MLPH: variants seen among roughly 807,000 people sequenced by gnomAD.
MLPH encodes exophilin-3.
Under a neutral mutation model 72.1 loss-of-function variants are expected in MLPH, and 51 were observed. That is an observed-to-expected ratio of 0.71 (90% CI 0.56 to 0.89). MLPH has a LOEUF of 0.89. Among genes scored for constraint, MLPH ranks in the 40% least tolerant of loss-of-function variants. The pLI is 0.00. For synonymous variants in MLPH, 301 were observed against 310.1 expected, an observed-to-expected ratio of 0.97 and a Z score of 0.31; for missense variants, 743 against 759.9, an observed-to-expected ratio of 0.98 and a Z score of 0.26.
chr2:237,521,620 A>G (rs1024753964), intron 6 of MLPH, among the ~76,000 whole-genome samples: 1 of 152,230 alleles, frequency 6.6e-6, no homozygotes, highest in Admixed American at 6.5e-5. Flanking sequence ...TAGAGCATAG[A>G]TTGCTGTGAG....
chr2:237,510,651 A>G lies in MLPH; in HGVS notation c.188A>G (p.His63Arg). 1 of 1,613,806 alleles carries G rather than the reference A, an allele frequency of 6.2e-7. No homozygotes were observed. The highest frequency in any genetic ancestry group is 8.5e-7 in the Non-Finnish European group (1 of 1,180,044). Reference sequence around the variant, plus strand: ...GACACTGCCCATCTGAACGAGACCCACTGCGCCCGCTGCCTGCAGCCCTAC... The same window carrying G: ...GACACTGCCCATCTGAACGAGACCCGCTGCGCCCGCTGCCTGCAGCCCTAC... ...LSDTAHLNET[H>R]CARCLQPYQL... Residue 63 changes from histidine (H) to arginine (R), a missense_variant, in exon 3 of 16, where the codon CAC becomes CGC. Transcript: ENST00000264605. The surrounding 1 kb of genome is among the most constrained non-coding windows in gnomAD (Gnocchi z 4.4).
At chr2:237,539,652 A>G (rs1227766670) in intron 9 of MLPH, among the ~76,000 whole-genome samples, 5 of 152,220 alleles carry the variant, frequency 3.3e-5, no homozygotes, top group Admixed American at 3.3e-4. Flanking sequence ...CAAGGTGGCC[A>G]GTGGAACTAG....
In MLPH at chr2:237,505,459, G is replaced by A. The variant is rs1262785075; in HGVS notation, c.111-5115G>A. ...ACCCAACGCAAGTGGAGGCCCACAGGACCCCTCATGCAGGCTCTTCCCCCG... is the reference window on the plus strand; with the variant it reads ...ACCCAACGCAAGTGGAGGCCCACAGAACCCCTCATGCAGGCTCTTCCCCCG... On this transcript the variant is annotated intron_variant, in intron 2 of 15. Transcript: ENST00000264605. The surrounding 1 kb of genome is among the most constrained non-coding windows in gnomAD (Gnocchi z 4.5). Among the ~76,000 whole-genome samples the A allele has an allele frequency of 6.6e-6, 1 of 152,160 alleles. No individual in the cohort carries two copies. Among genetic ancestry groups the A allele is most frequent in the African/African-American group, 2.4e-5 (1 of 41,434 alleles).
chr2:237,542,561 T>A lies in MLPH; in HGVS notation c.1447-6T>A. ...GACGGGCCTTCTGTCTGCTGTCCTC[T>A]CGCAGGTTTCAGACATTGAATCCAG... On this transcript the variant is annotated splice_region_variant and splice_polypyrimidine_tract_variant and intron_variant, in intron 11 of 15. Transcript: ENST00000264605. 1.3e-6 allele frequency: 2 copies of A among 1,592,660 alleles called. No homozygotes were observed. Among genetic ancestry groups the A allele is most frequent in the South Asian group, 2.3e-5 (2 of 87,856 alleles).
chr2:237,546,757 A>C, intron 13 of MLPH, 74 bp downstream of exon 13: 1 of 1,284,006 alleles, frequency 7.8e-7, no homozygotes, highest in Non-Finnish European at 1.1e-6. Context: ...GCAGTGTGGC[A>C]AGTCCACGGG....
At position 237,491,011 on chromosome 2, in the gene MLPH, G is replaced by A. The variant is rs141966459; in HGVS notation, c.-24-2392G>A. On this transcript the variant is annotated intron_variant, in intron 1 of 15. Coordinates refer to ENST00000264605, the MANE Select transcript of MLPH (RefSeq NM_024101.7). ...ATGGCATAAGCCAGGGACTATTTTG[G>A]CTGACTTCCATGACAGCTCTGTAGA... Among the ~76,000 whole-genome samples, 264 of 152,288 alleles carry A rather than the reference G, an allele frequency of 1.7e-3. 1 individual carries two copies. The highest frequency in any genetic ancestry group is 3.8e-3 in the Admixed American group (58 of 15,304).
In MLPH at chr2:237,542,671, G is replaced by GCA. The variant is rs1559372659; in HGVS notation, c.1539+13_1539+14dup. ...AGTCAAACCTCCCGGTGAGTGGGGG[G>GCA]CAGTGGTGAGTGGAGACAGTGCTGA... On this transcript the variant is annotated intron_variant, in intron 12 of 15. Coordinates refer to ENST00000264605, the MANE Select transcript of MLPH (RefSeq NM_024101.7). 1 of 1,518,350 alleles carries GCA rather than the reference G, an allele frequency of 6.6e-7. No individual in the cohort carries two copies. Among genetic ancestry groups the GCA allele is most frequent in the Admixed American group, 2.0e-5 (1 of 50,764 alleles). 94.1% of individuals were successfully genotyped at this position (1,518,350 alleles called of 1,614,324 possible).
chr2:237,551,799 G>A (rs1184065010), intron 14 of MLPH, among the ~76,000 whole-genome samples: 2 of 152,050 alleles, frequency 1.3e-5, no homozygotes, highest in East Asian at 3.9e-4. Context: ...CCAACATGGT[G>A]AAACCCCATC....
intron 6 of MLPH, 140 bp downstream of exon 6, chr2:237,520,169 G>T: frequency 9.0e-7 from 1 of 1,110,190 alleles, no homozygotes; most frequent in Non-Finnish European, 1.3e-6. Flanking sequence ...GCATGACAGG[G>T]AAGGGGACCG....
chr2:237,521,818 T>G (rs2080190098), intron 6 of MLPH, among the ~76,000 whole-genome samples: 1 of 131,124 alleles, frequency 7.6e-6, no homozygotes, highest in African/African-American at 4.1e-5. Context: ...GGAGCAGGGC[T>G]GAGACTGGGG....
chr2:237,502,599 G>A (rs1032815527), intron 2 of MLPH, among the ~76,000 whole-genome samples: 6 of 152,148 alleles, frequency 3.9e-5, no homozygotes, highest in African/African-American at 9.7e-5. Context: ...ATGCATAGCC[G>A]GACTTGGGTG....
intron 2 of MLPH, among the ~76,000 whole-genome samples, chr2:237,494,056 T>TC (rs987965359): frequency 6.6e-6 from 1 of 151,954 alleles, no homozygotes; most frequent in Non-Finnish European, 1.5e-5. Flanking sequence ...CGCATCTTCC[T>TC]CCCCCCTCTA....
At chr2:237,486,920 G>T (rs563731974), upstream of MLPH, among the ~76,000 whole-genome samples, 70 of 152,222 alleles carry the variant, frequency 4.6e-4, no homozygotes, top group African/African-American at 1.5e-3. Flanking sequence ...GATGTGCCGC[G>T]CGCTCTAGAG....
intron 8 of MLPH, among the ~76,000 whole-genome samples, chr2:237,532,991 T>C (rs930353626): frequency 6.6e-6 from 1 of 152,220 alleles, no homozygotes; most frequent in Non-Finnish European, 1.5e-5. Flanking sequence ...CACACAGTTC[T>C]CAGCACAAAC....
chr2:237,515,341 G>A (rs546434163), intron 4 of MLPH, among the ~76,000 whole-genome samples: 1 of 152,300 alleles, frequency 6.6e-6, no homozygotes, highest in Admixed American at 6.5e-5. Flanking sequence ...GGGCTGTCCT[G>A]AGGGTAGTGC....
intron 2 of MLPH, among the ~76,000 whole-genome samples, chr2:237,509,905 A>G (rs1186944550): frequency 6.6e-6 from 1 of 152,158 alleles, no homozygotes; most frequent in Non-Finnish European, 1.5e-5. Context: ...GATTAATTTT[A>G]TCTCATCTGA....
chr2:237,491,216 T>C (rs1298491117), intron 1 of MLPH, among the ~76,000 whole-genome samples: 2 of 152,342 alleles, frequency 1.3e-5, no homozygotes, highest in East Asian at 3.9e-4. Context: ...AGAAGCAAAA[T>C]TGTGTCTTTT....
intron 13 of MLPH, among the ~76,000 whole-genome samples, chr2:237,548,233 T>G (rs547542372): frequency 6.6e-6 from 1 of 152,276 alleles, no homozygotes; most frequent in African/African-American, 2.4e-5. Context: ...CGCTTCCACC[T>G]TTGTCCCTGG....
chr2:237,530,406 A>T (rs1574879822), intron 8 of MLPH, among the ~76,000 whole-genome samples: 1 of 152,190 alleles, frequency 6.6e-6, no homozygotes, highest in African/African-American at 2.4e-5. Flanking sequence ...TCAAAAAGAG[A>T]CTTCCTTAGC....
Sources: allele counts gnomAD v4.1 joint callset (sites outside exome capture counted in the v4.1 genomes callset), GRCh38; gene constraint gnomAD v4.1.1; non-coding constraint Gnocchi (gnomAD v3.1); transcripts MANE v1.5; gene names NCBI Gene and HGNC (gene_info 2026-07-23, HGNC 2026-07-21).